Variants in HIF1A observed in about 807,000 individuals in gnomAD.
The protein encoded by HIF1A is hypoxia-inducible factor 1-alpha.
In HIF1A, 24 loss-of-function variants were observed where a neutral mutation model predicts 92.7. The ratio of observed to expected loss-of-function variants is 0.26; its 90% CI spans 0.19 to 0.36. The LOEUF is 0.36. Ranked by LOEUF, HIF1A falls within the 10% of genes least tolerant of loss-of-function variation. The pLI, the probability that HIF1A is intolerant of heterozygous loss-of-function variation, is 1.00. For missense variants in HIF1A, 799 were observed against 998.5 expected (o/e 0.80, Z 2.69); for synonymous variants, 319 against 338.7 (o/e 0.94, Z 0.64).
intron 4 of HIF1A, 34 bp downstream of exon 4, chr14:61,721,857 A>C (rs759275309): frequency 2.0e-6 from 3 of 1,478,616 alleles, no homozygotes; most frequent in Non-Finnish European, 2.8e-6. Flanking sequence ...TTAATGTGAC[A>C]GGTGGTTTTA....
At chr14:61,716,080 G>A (rs2044360196) in intron 1 of HIF1A, among the ~76,000 whole-genome samples, 1 of 152,056 alleles carries the variant, frequency 6.6e-6, no homozygotes, top group Admixed American at 6.6e-5. Flanking sequence ...TTTTTCTTGG[G>A]CCTGAGACTT....
Position 61,721,826 on chromosome 14 carries a change from A to AAG in HIF1A, c.457+5_457+6dup. ...AGAAATGCTTACACACAGAAATGGT[A>AAG]AGAAAAGTCTGTTGTTTGATTTAAT... is the stretch of plus-strand genomic sequence containing the variant. On this transcript the variant is annotated splice_donor_region_variant and intron_variant, in intron 4 of 14. Coordinates refer to ENST00000337138, the MANE Select transcript of HIF1A (RefSeq NM_001530.4). The AAG allele has an allele frequency of 6.2e-7, 1 of 1,601,266 alleles. No homozygotes were observed. The highest frequency in any genetic ancestry group is 2.2e-5 in the East Asian group (1 of 44,714).
At chr14:61,702,477 T>G (rs2044189389) in intron 1 of HIF1A, among the ~76,000 whole-genome samples, 2 of 114,270 alleles carry the variant, frequency 1.8e-5, no homozygotes, top group African/African-American at 2.5e-5. Context: ...ATGTTTTAAT[T>G]CTTTAGTTCC....
chr14:61,734,948 A>C (rs1402534663), intron 8 of HIF1A, among the ~76,000 whole-genome samples: 4 of 152,212 alleles, frequency 2.6e-5, no homozygotes, highest in African/African-American at 9.6e-5. Flanking sequence ...TTAATAAGCT[A>C]TATGATGTAA....
Position 61,695,679 on chromosome 14 carries a change from C to T in HIF1A, c.-126C>T. On this transcript the variant is annotated 5_prime_UTR_variant, in exon 1 of 15. Transcript: ENST00000337138. The stretch of plus-strand genomic sequence containing the variant: ...CTCTCTAGTCTCACGAGGGGTTTCC[C>T]GCCTCGCACCCCCACCTCTGGACTT... 9.8e-7 allele frequency: 1 copy of T among 1,025,248 alleles called. No individual in the cohort carries two copies. The highest frequency in any genetic ancestry group is 1.5e-5 in the South Asian group (1 of 65,354). 63.5% of individuals were successfully genotyped at this position (1,025,248 alleles called of 1,614,324 possible). A position where few individuals can be genotyped will look rare whatever the true frequency, so the allele number is the denominator to read the frequency against.
In HIF1A at chr14:61,695,644, C is replaced by T. The variant is rs1009211175; in HGVS notation, c.-161C>T. The T allele has an allele frequency of 4.1e-5, 31 of 754,114 alleles. No individual in the cohort carries two copies. In the African/African-American group the frequency reaches 5.5e-4, roughly 13 times the overall value. The allele number at this position is 754,114 out of a possible 1,614,324, so 46.7% of individuals were successfully genotyped here. On this transcript the variant is annotated 5_prime_UTR_variant, in exon 1 of 15. Coordinates refer to ENST00000337138, the MANE Select transcript of HIF1A (RefSeq NM_001530.4). Reference sequence around the variant, plus strand: ...AGCCGGGCCCGGACCCCGGCGATTGCCGCCCGCTTCTCTCTAGTCTCACGA... The same window carrying T: ...AGCCGGGCCCGGACCCCGGCGATTGTCGCCCGCTTCTCTCTAGTCTCACGA...
chr14:61,702,586 G>A (rs937876448), intron 1 of HIF1A, among the ~76,000 whole-genome samples: 6 of 151,992 alleles, frequency 3.9e-5, no homozygotes, highest in Admixed American at 3.9e-4. Flanking sequence ...TAGTAAGGTT[G>A]GGGTTTATTT....
chr14:61,725,355 A>G (rs2044491133), intron 4 of HIF1A, among the ~76,000 whole-genome samples: 1 of 152,182 alleles, frequency 6.6e-6, no homozygotes, highest in East Asian at 1.9e-4. Flanking sequence ...ATATTTTTAT[A>G]TGTGTTCTGA....
chr14:61,708,220 T>C (rs1318725539), intron 1 of HIF1A, among the ~76,000 whole-genome samples: 2 of 152,130 alleles, frequency 1.3e-5, no homozygotes, highest in Non-Finnish European at 2.9e-5. Context: ...GTCAGATGAG[T>C]AGATTGCAAA....
chr14:61,707,612 C>T (rs2044255249), intron 1 of HIF1A, among the ~76,000 whole-genome samples: 1 of 151,788 alleles, frequency 6.6e-6, no homozygotes, highest in African/African-American at 2.4e-5. Flanking sequence ...CGGCTTCATC[C>T]ATGTCCCTAC....
intron 1 of HIF1A, 21 bp from the exon 2 acceptor site, chr14:61,720,361 T>G: frequency 6.3e-7 from 1 of 1,575,014 alleles, no homozygotes; most frequent in South Asian, 1.2e-5. Context: ...ATCTCGTGTT[T>G]TTCTTGTTGT....
intron 1 of HIF1A, among the ~76,000 whole-genome samples, chr14:61,716,710 T>G (rs2044368474): frequency 6.6e-6 from 1 of 152,206 alleles, no homozygotes; most frequent in Admixed American, 6.5e-5. Flanking sequence ...TCATGAACTT[T>G]GTACACAAGA....
chr14:61,719,287 T>C (rs541062026), intron 1 of HIF1A, among the ~76,000 whole-genome samples: 3 of 152,310 alleles, frequency 2.0e-5, no homozygotes, highest in East Asian at 1.9e-4. Context: ...TTGAGGGGCA[T>C]AGGAGATCAT....
chr14:61,708,942 G>C (rs147239616), intron 1 of HIF1A, among the ~76,000 whole-genome samples: 92 of 151,808 alleles, frequency 6.1e-4, no homozygotes, highest in African/African-American at 2.2e-3. Context: ...TTGTTGCCCA[G>C]GCTGGAGTGC....
At chr14:61,740,378 T>A in intron 10 of HIF1A, 127 bp from the exon 11 acceptor site, 1 of 713,206 alleles carries the variant, frequency 1.4e-6, no homozygotes, top group Non-Finnish European at 2.3e-6. Flanking sequence ...TTAAATAAAA[T>A]TTGATAAACA....
chr14:61,746,392 C>CTTTTTTTTTTTTTTTTTT (rs754879947), intron 14 of HIF1A, among the ~76,000 whole-genome samples: 1 of 49,494 alleles, frequency 2.0e-5, no homozygotes, highest in African/African-American at 5.0e-5. Flanking sequence ...TTTATGACTT[C>CTTTTTTTTTTTTTTTTTT]TTTTTTTTTT....
intron 1 of HIF1A, 79 bp from the exon 2 acceptor site, chr14:61,720,303 T>C: frequency 1.0e-6 from 1 of 974,096 alleles, no homozygotes; most frequent in South Asian, 1.7e-5. Flanking sequence ...TAAGCAGAAA[T>C]GTAAAGTTTT....
At chr14:61,737,256 TA>T in intron 9 of HIF1A, 147 bp downstream of exon 9, 4 of 628,512 alleles carry the variant, frequency 6.4e-6, no homozygotes, top group Non-Finnish European at 1.1e-5. Context: ...TGTATTTGCT[TA>T]AATATTTTTG....
intron 1 of HIF1A, among the ~76,000 whole-genome samples, chr14:61,705,634 A>G (rs901253472): frequency 8.5e-5 from 13 of 152,216 alleles, no homozygotes; most frequent in Non-Finnish European, 1.5e-4. Flanking sequence ...GGCATAGGCC[A>G]TATTAAAAAT....
Sources: gnomAD v4.1 joint callset for allele counts (sites outside exome capture counted in the v4.1 genomes callset) on GRCh38, gnomAD v4.1.1 for gene constraint, MANE v1.5 for transcripts, NCBI Gene and HGNC (gene_info 2026-07-23, HGNC 2026-07-21) for gene names.